HIBADH: variants seen among roughly 807,000 people sequenced by gnomAD.
HIBADH encodes the protein 3-hydroxyisobutyrate dehydrogenase.
A neutral mutation model predicts 36.1 loss-of-function variants in HIBADH; 25 were observed. That is an observed-to-expected ratio of 0.69 (90% CI 0.50 to 0.97). HIBADH has a LOEUF of 0.97. Ranked by LOEUF, HIBADH falls within the 50% of genes least tolerant of loss-of-function variation. The pLI is 0.00. For missense variants in HIBADH, 421 were observed against 418.0 expected (o/e 1.01, Z -0.06); for synonymous variants, 160 against 149.5 (o/e 1.07, Z -0.51).
chr7:27,654,924 C>T (rs952738601), intron 1 of HIBADH, among the ~76,000 whole-genome samples: 3 of 152,106 alleles, frequency 2.0e-5, no homozygotes, highest in African/African-American at 7.2e-5. Context: ...TGAGCTCAAG[C>T]AATCAGTGGG....
rs3219776 is a variant in HIBADH, at chr7:27,595,579, G to GGTGTGTGT, written c.484+33784_484+33791dup. Among the ~76,000 whole-genome samples the GGTGTGTGT allele has an allele frequency of 2.0e-3, 285 of 143,436 alleles. 2 individuals are homozygous for GGTGTGTGT. Among genetic ancestry groups the GGTGTGTGT allele is most frequent in the Middle Eastern group, 7.2e-3 (2 of 278 alleles). 94.1% of individuals were successfully genotyped at this position (143,436 alleles called of 152,430 possible). A position where few individuals can be genotyped will look rare whatever the true frequency, so the allele number is the denominator to read the frequency against. The stretch of plus-strand genomic sequence containing the variant: ...ATACAGTGTAATTTCCATAAGGGCA[G>GGTGTGTGT]GTGTGTGTGTGTGTGTGTGTGTGTG... On this transcript the variant is annotated intron_variant, in intron 4 of 7. Transcript: ENST00000265395.
At chr7:27,538,954 G>A (rs746399821) in intron 5 of HIBADH, among the ~76,000 whole-genome samples, 1 of 152,082 alleles carries the variant, frequency 6.6e-6, no homozygotes, top group Non-Finnish European at 1.5e-5. Context: ...ATATAAGAAG[G>A]ATTAAATATT....
In HIBADH at chr7:27,605,690, G is replaced by A. The variant is rs796675858; in HGVS notation, c.484+23681C>T. Among the ~76,000 whole-genome samples the A allele has an allele frequency of 4.1e-5, 6 of 144,916 alleles. No homozygotes were observed. The South Asian group carries it at 8.7e-4, about 21-fold the overall frequency. The stretch of plus-strand genomic sequence containing the variant: ...AAATATTTCATTTTCATTTACTTTC[G>A]TTTTAATATCAACAACCTAAAAACA... On this transcript the variant is annotated intron_variant, in intron 4 of 7. Transcript: ENST00000265395.
At position 27,555,005 on chromosome 7, in the gene HIBADH, G is replaced by A. The variant is rs149004083; in HGVS notation, c.485-11905C>T. Among the ~76,000 whole-genome samples the A allele has an allele frequency of 2.7e-3, 409 of 152,242 alleles. 5 individuals carry two copies. Among genetic ancestry groups the A allele is most frequent in the African/African-American group, 9.3e-3 (386 of 41,554 alleles). ...TGATGGTGCATTAACATAACATTAAGGAAAGGTAACTAACCAGATTTGCGT... is the reference window on the plus strand; with the variant it reads ...TGATGGTGCATTAACATAACATTAAAGAAAGGTAACTAACCAGATTTGCGT... On this transcript the variant is annotated intron_variant, in intron 4 of 7. Transcript: ENST00000265395.
At chr7:27,562,163 T>G (rs1310735637) in intron 4 of HIBADH, among the ~76,000 whole-genome samples, 1 of 152,140 alleles carries the variant, frequency 6.6e-6, no homozygotes, top group Non-Finnish European at 1.5e-5. Context: ...TCTTGTTTTT[T>G]AAATTGATTC....
At chr7:27,570,830 G>GT (rs1444336952) in intron 4 of HIBADH, among the ~76,000 whole-genome samples, 2 of 151,890 alleles carry the variant, frequency 1.3e-5, no homozygotes, top group Non-Finnish European at 2.9e-5. Context: ...TTACTATCAT[G>GT]TATTTAGTAA....
At chr7:27,623,309 G>A (rs1036042105) in intron 4 of HIBADH, among the ~76,000 whole-genome samples, 1 of 152,144 alleles carries the variant, frequency 6.6e-6, no homozygotes, top group Non-Finnish European at 1.5e-5. Flanking sequence ...TGGAATGGGG[G>A]AAAGTTGAAA....
intron 2 of HIBADH, among the ~76,000 whole-genome samples, chr7:27,640,728 G>A (rs780897354): frequency 6.6e-6 from 1 of 152,164 alleles, no homozygotes; most frequent in Non-Finnish European, 1.5e-5. Flanking sequence ...ACATCAGAGA[G>A]AGCACTTACA....
At chr7:27,639,839 T>A (rs1002549023) in intron 2 of HIBADH, among the ~76,000 whole-genome samples, 7 of 152,168 alleles carry the variant, frequency 4.6e-5, no homozygotes, top group African/African-American at 1.7e-4. Context: ...GGTTAACACT[T>A]AAAGGCATAA....
intron 1 of HIBADH, 76 bp from the exon 2 acceptor site, chr7:27,649,709 C>T: frequency 7.6e-7 from 1 of 1,316,210 alleles, no homozygotes; most frequent in South Asian, 1.6e-5. Context: ...ATTAGCAAGT[C>T]AATTGTTAGA....
intron 4 of HIBADH, among the ~76,000 whole-genome samples, chr7:27,624,797 C>G (rs766438696): frequency 6.6e-6 from 1 of 152,170 alleles, no homozygotes; most frequent in Non-Finnish European, 1.5e-5. Flanking sequence ...TACTTCCACC[C>G]TTGGTAAAAT....
At chr7:27,574,409 TTC>T (rs1373229501) in intron 4 of HIBADH, among the ~76,000 whole-genome samples, 7 of 152,062 alleles carry the variant, frequency 4.6e-5, no homozygotes, top group Non-Finnish European at 1.0e-4. Flanking sequence ...TTTAGGGATA[TTC>T]TCAATATATG....
At chr7:27,556,251 T>C (rs1402125131) in intron 4 of HIBADH, among the ~76,000 whole-genome samples, 4 of 152,230 alleles carry the variant, frequency 2.6e-5, no homozygotes, top group African/African-American at 9.6e-5. Flanking sequence ...CATAGTTCAC[T>C]GGGTTTCCTC....
chr7:27,591,326 C>T (rs1054163329), intron 4 of HIBADH, among the ~76,000 whole-genome samples: 8 of 151,856 alleles, frequency 5.3e-5, no homozygotes, highest in African/African-American at 1.2e-4. Flanking sequence ...CCAAGGCAGG[C>T]GGATCACGAG....
intron 1 of HIBADH, among the ~76,000 whole-genome samples, chr7:27,655,963 T>A (rs1432792783): frequency 6.6e-6 from 1 of 152,070 alleles, no homozygotes; most frequent in Non-Finnish European, 1.5e-5. Flanking sequence ...CAAAAAAAAA[T>A]TTGAACTTTT....
intron 4 of HIBADH, among the ~76,000 whole-genome samples, chr7:27,599,252 TAAAG>T (rs893790653): frequency 4.6e-5 from 7 of 152,160 alleles, no homozygotes; most frequent in Non-Finnish European, 8.8e-5. Context: ...AGGTTGAACT[TAAAG>T]AAGGATTAAA....
At chr7:27,649,340 CAT>C (rs1786135070) in intron 2 of HIBADH, 131 bp downstream of exon 2, 1 of 608,874 alleles carries the variant, frequency 1.6e-6, no homozygotes, top group Non-Finnish European at 2.6e-6. Flanking sequence ...TGAATGATTA[CAT>C]ATATATAAAA....
intron 1 of HIBADH, among the ~76,000 whole-genome samples, chr7:27,655,518 C>T (rs1455019814): frequency 1.3e-5 from 2 of 152,128 alleles, no homozygotes; most frequent in Non-Finnish European, 2.9e-5. Flanking sequence ...TCTTTCAATA[C>T]TTTCTGCTTC....
Position 27,549,958 on chromosome 7 carries a change from A to C in HIBADH, c.485-6858T>G, listed in dbSNP as rs1224296347. Among the ~76,000 whole-genome samples the C allele has an allele frequency of 2.6e-5, 4 of 152,082 alleles. No homozygotes were observed. The East Asian group carries it at 5.8e-4, about 22-fold the overall frequency. ...GAGTCTCGCTCAGTCGCCAGGATGGAGTGCAGTGGCACAATCTCAGCTCAT... is the reference window on the plus strand; with the variant it reads ...GAGTCTCGCTCAGTCGCCAGGATGGCGTGCAGTGGCACAATCTCAGCTCAT... On this transcript the variant is annotated intron_variant, in intron 4 of 7. Transcript: ENST00000265395.
Sources: allele counts gnomAD v4.1 joint callset (sites outside exome capture counted in the v4.1 genomes callset), GRCh38; gene constraint gnomAD v4.1.1; transcripts MANE v1.5; gene names NCBI Gene and HGNC (gene_info 2026-07-23, HGNC 2026-07-21).